ADGRV1: variants seen among roughly 807,000 people sequenced by gnomAD.
ADGRV1 encodes the protein adhesion G protein-coupled receptor V1, also known as G-protein coupled receptor 98.
A neutral mutation model predicts 596.2 loss-of-function variants in ADGRV1; 359 were observed. The ratio of observed to expected loss-of-function variants is 0.60; its 90% CI spans 0.55 to 0.66. The LOEUF (loss-of-function observed/expected upper bound fraction) is 0.66. Among genes scored for constraint, ADGRV1 ranks in the 30% least tolerant of loss-of-function variants. The pLI, the probability that ADGRV1 is intolerant of heterozygous loss-of-function variation, is 0.00. For missense variants in ADGRV1, 7,274 were observed against 7,575.6 expected (o/e 0.96, Z 1.48); for synonymous variants, 2,681 against 2,679.2 (o/e 1.00, Z -0.02).
In ADGRV1 at chr5:90,716,734, A is replaced by G. The variant is rs767733901; in HGVS notation, c.9447+5A>G. 1 of 1,603,614 alleles carries G rather than the reference A, an allele frequency of 6.2e-7. No individual in the cohort carries two copies. The highest frequency in any genetic ancestry group is 1.1e-5 in the South Asian group (1 of 89,882). On this transcript the variant is annotated splice_donor_5th_base_variant and intron_variant, in intron 43 of 89. Transcript: ENST00000405460. ...GAAGAAGGTGTTCGATTCAAGGTAC[A>G]GTAAGAAGCTTTAATGAGAATGGAA...
At position 90,694,565 on chromosome 5, in the gene ADGRV1, A is replaced by T. The variant is rs772794568; in HGVS notation, c.7809A>T (p.Gln2603His). ...TTGTTGAAGTTCAGGAGCAGCCCCA[A>T]ACCTTGGTGGAGCTGATGATACACA... ...GLFVEVQEQP[Q>H]TLVELMIHRT... Residue 2603 changes from glutamine to histidine, a missense_variant, in exon 33 of 90, where the codon CAA becomes CAT. Gln to His is a conservative substitution (Grantham distance 24). This residue lies in a region of ADGRV1 where 3,643 missense variants were observed against 3,809.2 expected (regional missense o/e 0.96). Transcript: ENST00000405460. The T allele has an allele frequency of 6.2e-7, 1 of 1,613,862 alleles. No individual in the cohort carries two copies. Among genetic ancestry groups the T allele is most frequent in the South Asian group, 1.1e-5 (1 of 91,090 alleles).
At chr5:91,154,779 G>A (rs1052843524) in intron 89 of ADGRV1, among the ~76,000 whole-genome samples, 13 of 152,160 alleles carry the variant, frequency 8.5e-5, no homozygotes, top group Non-Finnish European at 1.5e-4. Context: ...ACAGAGTGAG[G>A]GCAAGCAGGG....
At chr5:91,129,805 G>A (rs1794060617) in intron 87 of ADGRV1, among the ~76,000 whole-genome samples, 1 of 152,164 alleles carries the variant, frequency 6.6e-6, no homozygotes, top group Non-Finnish European at 1.5e-5. Context: ...CTGCAGAAGA[G>A]GAAATTGGAA....
At chr5:90,870,399 G>A (rs1235092967) in intron 83 of ADGRV1, among the ~76,000 whole-genome samples, 3 of 152,156 alleles carry the variant, frequency 2.0e-5, no homozygotes, top group Non-Finnish European at 4.4e-5. Context: ...AGCCAGATGT[G>A]TCTGGCTCCA....
intron 21 of ADGRV1, among the ~76,000 whole-genome samples, chr5:90,665,979 T>C (rs1308686797): frequency 6.6e-5 from 10 of 150,636 alleles, no homozygotes; most frequent in African/African-American, 2.4e-4. Context: ...GTCTGAGAGA[T>C]AGTTTGTTAT....
intron 57 of ADGRV1, among the ~76,000 whole-genome samples, chr5:90,757,618 T>C (rs1219851721): frequency 6.6e-6 from 1 of 152,106 alleles, no homozygotes; most frequent in Admixed American, 6.5e-5. Flanking sequence ...TTAAAAAAAT[T>C]GACTAAAATA....
intron 75 of ADGRV1, among the ~76,000 whole-genome samples, chr5:90,821,431 C>T (rs960406016): frequency 6.6e-6 from 1 of 151,806 alleles, no homozygotes; most frequent in Non-Finnish European, 1.5e-5. Flanking sequence ...AAGTCATTCT[C>T]CATCCAGCTT....
intron 85 of ADGRV1, among the ~76,000 whole-genome samples, chr5:91,054,095 G>T (rs1562149607): frequency 7.7e-6 from 1 of 130,058 alleles, no homozygotes; most frequent in Non-Finnish European, 1.6e-5. Flanking sequence ...GTGTGTGTGT[G>T]TGTGTGTGAG....
chr5:90,841,556 A>G (rs892759028), intron 78 of ADGRV1, among the ~76,000 whole-genome samples: 19 of 152,112 alleles, frequency 1.2e-4, no homozygotes, highest in Non-Finnish European at 2.5e-4. Context: ...TTTACTTACA[A>G]CTCTGCAAAT....
Position 90,903,028 on chromosome 5 carries a change from T to C in ADGRV1, c.17856+39171T>C, listed in dbSNP as rs569593576. On this transcript the variant is annotated intron_variant, in intron 83 of 89. Coordinates refer to ENST00000405460, the MANE Select transcript of ADGRV1 (RefSeq NM_032119.4). The stretch of plus-strand genomic sequence containing the variant: ...ATCTAAAATTTTCATTGAGTTGGCT[T>C]CAATACTATGTTTTTATGAACCATG... Among the ~76,000 whole-genome samples, 3 of 152,250 alleles carry C rather than the reference T, an allele frequency of 2.0e-5. No individual in the cohort carries two copies. The East Asian group carries it at 5.8e-4, about 29-fold the overall frequency.
At chr5:90,871,589 C>T (rs1396186921) in intron 83 of ADGRV1, among the ~76,000 whole-genome samples, 2 of 152,196 alleles carry the variant, frequency 1.3e-5, no homozygotes, top group Non-Finnish European at 2.9e-5. Context: ...GCTTTCGTTA[C>T]TAGGAAAATT....
chr5:90,637,859 A>T lies in ADGRV1; in HGVS notation c.2151A>T (p.Leu717Phe), dbSNP rs749583333. 1.2e-6 allele frequency: 2 copies of T among 1,613,668 alleles called. No homozygotes were observed. The highest frequency in any genetic ancestry group is 1.1e-5 in the South Asian group (1 of 91,074). ...IGPFNGSVLF[L>F]SGQSDTTINI... ...CCTTTAATGGCTCTGTTTTGTTTTT[A>T]TCTGGGCAAAGTGACACAACAATCA... is the stretch of plus-strand genomic sequence containing the variant. Residue 717 changes from leucine to phenylalanine, a missense_variant, in exon 11 of 90, where the codon TTA becomes TTT. This residue lies in a region of ADGRV1 where 1,715 missense variants were observed against 1,708.8 expected (regional missense o/e 1.00). Coordinates refer to ENST00000405460, the MANE Select transcript of ADGRV1 (RefSeq NM_032119.4).
intron 85 of ADGRV1, among the ~76,000 whole-genome samples, chr5:91,013,273 T>C (rs1782874515): frequency 6.6e-6 from 1 of 151,938 alleles, no homozygotes; most frequent in Non-Finnish European, 1.5e-5. Flanking sequence ...TTTTAGCTCT[T>C]TGAGGAATCA....
rs144807185 is a variant in ADGRV1, at chr5:90,560,548, C to T, written c.22+1631C>T. ...TAAGAACTGGGTCAAATATTTTTTC[C>T]AAATGCTCTTAGGACCTATACTATA... On this transcript the variant is annotated intron_variant, in intron 1 of 89. Transcript: ENST00000405460. 2.6e-5 allele frequency among the ~76,000 whole-genome samples: 4 copies of T among 152,068 alleles called. No homozygotes were observed. In the East Asian group the frequency reaches 7.7e-4, roughly 29 times the overall value.
chr5:90,568,492 A>C (rs1273832369), intron 1 of ADGRV1, among the ~76,000 whole-genome samples: 1 of 152,076 alleles, frequency 6.6e-6, no homozygotes, highest in African/African-American at 2.4e-5. Flanking sequence ...GTATGATTAA[A>C]GTTCTTTAAA....
At chr5:90,783,349 G>A in intron 66 of ADGRV1, 24 bp downstream of exon 66, 2 of 1,458,742 alleles carry the variant, frequency 1.4e-6, no homozygotes. Flanking sequence ...AAATAATGTG[G>A]GCACATATAA....
At chr5:90,851,134 T>TGTGTGTGTGAGAGA (rs757909771) in intron 79 of ADGRV1, among the ~76,000 whole-genome samples, 2,355 of 81,382 alleles carry the variant, frequency 0.029, 110 homozygotes, top group Admixed American at 0.042. Flanking sequence ...TGTGTGTGTG[T>TGTGTGTGTGAGAGA]GAGAGAGAGA....
At chr5:90,913,946 A>G (rs900222364) in intron 83 of ADGRV1, among the ~76,000 whole-genome samples, 74 of 152,192 alleles carry the variant, frequency 4.9e-4, no homozygotes, top group African/African-American at 1.7e-3. Context: ...TCACCATGAT[A>G]TGAATTTTAA....
chr5:90,598,280 A>G (rs1477370812), intron 1 of ADGRV1, among the ~76,000 whole-genome samples: 1 of 152,200 alleles, frequency 6.6e-6, no homozygotes, highest in East Asian at 1.9e-4. Flanking sequence ...TGAATGTTAG[A>G]CACAGCCACA....
Sources: allele counts gnomAD v4.1 joint callset (sites outside exome capture counted in the v4.1 genomes callset), GRCh38; gene constraint gnomAD v4.1.1; regional missense constraint gnomAD v4.1.1; transcripts MANE v1.5; gene names NCBI Gene and HGNC (gene_info 2026-07-23, HGNC 2026-07-21).